Variants in AMBRA1 observed in about 807,000 individuals in gnomAD.
AMBRA1 encodes the protein activating molecule in BECN1-regulated autophagy protein 1.
A neutral mutation model predicts 125.4 loss-of-function variants in AMBRA1; 47 were observed. That is an observed-to-expected ratio of 0.37 (90% CI 0.30 to 0.48). The LOEUF (loss-of-function observed/expected upper bound fraction) is 0.48. Ranked by LOEUF, AMBRA1 falls within the 20% of genes least tolerant of loss-of-function variation. The pLI is 0.99. For missense variants in AMBRA1, 1,331 were observed against 1,693.4 expected (o/e 0.79, Z 3.76); for synonymous variants, 626 against 655.5 (o/e 0.95, Z 0.69).
chr11:46,555,970 T>C (rs1235244788), intron 1 of AMBRA1, among the ~76,000 whole-genome samples: 1 of 152,234 alleles, frequency 6.6e-6, no homozygotes, highest in African/African-American at 2.4e-5. Flanking sequence ...AACCATGTAA[T>C]ACTGACATAT....
chr11:46,547,862 G>C lies in AMBRA1; in HGVS notation c.149C>G (p.Pro50Arg). ...MKWEGKRVEL[P>R]DSPRSTFLLA... ...TAAGAAGGTAGAGCGTGGACTATCC[G>C]GCAGTTCTACTCTCTGGGAGACAAA... Residue 50 changes from proline (P) to arginine (R), a missense_variant, in exon 3 of 18, where the codon CCG becomes CGG. By Grantham distance (103) the Pro-to-Arg change is moderately radical. Around this residue, in one of 4 missense-constraint regions of AMBRA1, gnomAD observed 144 missense variants for 250.4 expected, o/e 0.58. Transcript: ENST00000683756. 6.2e-7 allele frequency: 1 copy of C among 1,606,986 alleles called. No individual in the cohort carries two copies. The highest frequency in any genetic ancestry group is 8.5e-7 in the Non-Finnish European group (1 of 1,177,148).
At chr11:46,436,624 C>T (rs1388448958) in intron 12 of AMBRA1, among the ~76,000 whole-genome samples, 1 of 151,918 alleles carries the variant, frequency 6.6e-6, no homozygotes, top group Non-Finnish European at 1.5e-5. Flanking sequence ...ACTCAGGGTC[C>T]CAAGCCCTTT....
chr11:46,464,797 A>G (rs1324267738), intron 11 of AMBRA1, among the ~76,000 whole-genome samples: 3 of 152,016 alleles, frequency 2.0e-5, no homozygotes, highest in Non-Finnish European at 2.9e-5. Context: ...CTGTAATCCA[A>G]GCACTTTGCG....
chr11:46,542,127 G>C lies in AMBRA1; in HGVS notation c.1890C>G (p.Ser630Arg), dbSNP rs748483712. 2 of 1,614,078 alleles carry C rather than the reference G, an allele frequency of 1.2e-6. No homozygotes were observed. Among genetic ancestry groups the C allele is most frequent in the South Asian group, 2.2e-5 (2 of 91,086 alleles). ...ERTEGQTPSS[S>R]RLELSSSASP... is the part of the protein sequence containing the mutation. ...TAGCAGAGCTGCTCAACTCCAGCCT[G>C]CTGGAGCTGGGCGTTTGGCCCTCAG... The change falls in exon 7 of 18, where the codon AGC (serine) becomes AGG (arginine). Residue 630 changes from serine (S) to arginine (R), a missense_variant. Ser to Arg is a moderately radical substitution (Grantham distance 110, BLOSUM62 -1). This residue lies in a region of AMBRA1 where 689 missense variants were observed against 776.5 expected (regional missense o/e 0.89). Coordinates refer to ENST00000683756, the MANE Select transcript of AMBRA1 (RefSeq NM_001387011.1). The surrounding 1 kb of genome is among the most constrained non-coding windows in gnomAD (Gnocchi z 5.9).
At chr11:46,493,824 A>G (rs1031552536) in intron 10 of AMBRA1, 116 bp from the exon 11 acceptor site, 2 of 762,880 alleles carry the variant, frequency 2.6e-6, no homozygotes, top group Admixed American at 3.0e-5. Context: ...GATGCCCAGA[A>G]AGAAATAAAA....
intron 7 of AMBRA1, among the ~76,000 whole-genome samples, chr11:46,517,430 T>G (rs1390451978): frequency 1.4e-5 from 2 of 147,868 alleles, no homozygotes; most frequent in East Asian, 4.0e-4. Flanking sequence ...ATTACAGGCG[T>G]AAGCCACCGC....
In AMBRA1 at chr11:46,446,709, C is replaced by T. The variant is rs537649605; in HGVS notation, c.2522-3111G>A. 2.0e-5 allele frequency among the ~76,000 whole-genome samples: 3 copies of T among 152,326 alleles called. No homozygotes were observed. In the South Asian group the frequency reaches 6.2e-4, roughly 32 times the overall value. On this transcript the variant is annotated intron_variant, in intron 11 of 17. Transcript: ENST00000683756. The stretch of plus-strand genomic sequence containing the variant: ...CAACCAAAAATGTCTCCAGACACTG[C>T]CGAATGTCCTCTGGGGATAAAAATC...
At chr11:46,414,369 T>C (rs1277586794) in intron 15 of AMBRA1, among the ~76,000 whole-genome samples, 3 of 152,154 alleles carry the variant, frequency 2.0e-5, no homozygotes, top group Non-Finnish European at 2.9e-5. Flanking sequence ...TGGGTGATGA[T>C]ACTTGACTAT....
At position 46,542,181 on chromosome 11, in the gene AMBRA1, A is replaced by T. The variant is rs1467841006; in HGVS notation, c.1836T>A (p.Ser612Arg). Residue 612 changes from serine to arginine, a missense_variant, in exon 7 of 18, where the codon AGT becomes AGA. Transcript: ENST00000683756. The surrounding 1 kb of genome is among the most constrained non-coding windows in gnomAD (Gnocchi z 5.9). ...VPSSFESVPS[S>R]GSQLPPLERT... The stretch of plus-strand genomic sequence containing the variant: ...GCTCGAGAGGTGGCAACTGGCTGCC[A>T]CTTGATGGCACACTCTCAAAGGAGC... The T allele has an allele frequency of 3.1e-6, 5 of 1,613,644 alleles. No individual in the cohort carries two copies. Among genetic ancestry groups the T allele is most frequent in the Non-Finnish European group, 4.2e-6 (5 of 1,179,806 alleles).
intron 9 of AMBRA1, among the ~76,000 whole-genome samples, chr11:46,506,089 C>T (rs1485538183): frequency 2.0e-5 from 3 of 152,150 alleles, no homozygotes; most frequent in East Asian, 1.9e-4. Flanking sequence ...CTGGAAAAAC[C>T]GTATCTACAG....
At chr11:46,558,316 C>T (rs935957615) in intron 1 of AMBRA1, among the ~76,000 whole-genome samples, 11 of 151,980 alleles carry the variant, frequency 7.2e-5, no homozygotes, top group Admixed American at 3.9e-4. Context: ...TTTGGGAGGC[C>T]GAGGCAGGCA....
At chr11:46,575,120 G>T (rs78807356) in intron 1 of AMBRA1, among the ~76,000 whole-genome samples, 2,849 of 152,198 alleles carry the variant, frequency 0.019, 45 homozygotes, top group Middle Eastern at 0.041. Flanking sequence ...AGTACCAGTG[G>T]TATCAGTAAC....
intron 1 of AMBRA1, among the ~76,000 whole-genome samples, chr11:46,592,891 A>G (rs2044657212): frequency 6.6e-6 from 1 of 152,198 alleles, no homozygotes; most frequent in African/African-American, 2.4e-5. Flanking sequence ...CTCTAACCAC[A>G]AACACCATAG....
rs757761674 is a variant in AMBRA1 at position 46,408,594 on chromosome 11, C to T, written c.3322G>A (p.Ala1108Thr). 3 of 1,609,028 alleles carry T rather than the reference C, an allele frequency of 1.9e-6. No individual in the cohort carries two copies. In the East Asian group the frequency reaches 6.7e-5, roughly 36 times the overall value. ...GTTTCGGCATTCTGCAGCTGAAGGG[C>T]CAGAGTCTGGGTGCCCTGAGATGTC... ...SVTSQGTQTL[A>T]LQLQNAETQT... Residue 1108 changes from alanine (A) to threonine (T), a missense_variant, in exon 17 of 18, where the codon GCC (alanine) becomes ACC (threonine). Around this residue, in one of 4 missense-constraint regions of AMBRA1, gnomAD observed 354 missense variants for 532.7 expected, o/e 0.66. Coordinates refer to ENST00000683756, the MANE Select transcript of AMBRA1 (RefSeq NM_001387011.1).
intron 1 of AMBRA1, among the ~76,000 whole-genome samples, chr11:46,576,956 C>T (rs1408093510): frequency 1.3e-5 from 2 of 152,120 alleles, no homozygotes; most frequent in African/African-American, 4.8e-5. Context: ...TGTTAGAACT[C>T]AGTTCTTCAT....
chr11:46,430,103 CT>C (rs1947380905), intron 14 of AMBRA1, among the ~76,000 whole-genome samples: 1 of 152,000 alleles, frequency 6.6e-6, no homozygotes, highest in Non-Finnish European at 1.5e-5. Context: ...ACCCTAGATC[CT>C]AGAAATAAGG....
At chr11:46,469,068 G>A (rs1306470880) in intron 11 of AMBRA1, among the ~76,000 whole-genome samples, 3 of 152,096 alleles carry the variant, frequency 2.0e-5, no homozygotes, top group Admixed American at 2.0e-4. Flanking sequence ...ACTTGAACCT[G>A]GGAGGCGGAG....
Position 46,548,514 on chromosome 11 carries a change from G to GA in AMBRA1, c.-120-15dup. 3 of 1,119,164 alleles carry GA rather than the reference G, an allele frequency of 2.7e-6. No homozygotes were observed. Among genetic ancestry groups the GA allele is most frequent in the Non-Finnish European group, 3.7e-6 (3 of 811,380 alleles). 69.3% of individuals were successfully genotyped at this position (1,119,164 alleles called of 1,614,324 possible). A position where few individuals can be genotyped will look rare whatever the true frequency, so the allele number is the denominator to read the frequency against. ...CCTCATGGAAATCTTAAGGAACAAAGAATAATGTCAAAGAACGACTTCTGC... is the reference window on the plus strand; with the variant it reads ...CCTCATGGAAATCTTAAGGAACAAAGAAATAATGTCAAAGAACGACTTCTGC... On this transcript the variant is annotated splice_polypyrimidine_tract_variant and intron_variant, in intron 1 of 17. Coordinates refer to ENST00000683756, the MANE Select transcript of AMBRA1 (RefSeq NM_001387011.1).
At chr11:46,505,695 G>A (rs1326302688) in intron 9 of AMBRA1, among the ~76,000 whole-genome samples, 1 of 151,402 alleles carries the variant, frequency 6.6e-6, no homozygotes, top group Non-Finnish European at 1.5e-5. Flanking sequence ...AGAGCGCACA[G>A]GTGGGCTGGG....
Sources: allele counts gnomAD v4.1 joint callset (sites outside exome capture counted in the v4.1 genomes callset), GRCh38; gene constraint gnomAD v4.1.1; regional missense constraint gnomAD v4.1.1; non-coding constraint Gnocchi (gnomAD v3.1); transcripts MANE v1.5; gene names NCBI Gene and HGNC (gene_info 2026-07-23, HGNC 2026-07-21).